Variants in SAXO1 observed in about 807,000 individuals in gnomAD.
SAXO1 encodes 4930500O09Rik.
SAXO1 carries 21 observed loss-of-function variants against 17.5 expected under a neutral mutation model. The observed-to-expected ratio is 1.20, with a 90% confidence interval of 0.85 to 1.72. SAXO1 has a LOEUF of 1.72. Among genes scored for constraint, SAXO1 ranks in the 40% most tolerant of loss-of-function variants. The probability of loss-of-function intolerance (pLI) is 0.00; values close to 1 mark genes in which losing one functional copy is unlikely to be tolerated. For synonymous variants in SAXO1, 274 were observed against 216.5 expected (o/e 1.27, Z -2.33); for missense variants, 843 against 596.0 (o/e 1.41, Z -4.32).
At chr9:18,974,372 T>C (rs1358512459) in intron 1 of SAXO1, among the ~76,000 whole-genome samples, 2 of 152,254 alleles carry the variant, frequency 1.3e-5, no homozygotes, top group Admixed American at 1.3e-4. Flanking sequence ...TATGTGCACA[T>C]TGATATGTAC....
intron 1 of SAXO1, among the ~76,000 whole-genome samples, chr9:18,984,855 G>C (rs905269950): frequency 6.6e-6 from 1 of 152,114 alleles, no homozygotes; most frequent in Non-Finnish European, 1.5e-5. Context: ...TTTGGCATAA[G>C]AGGCCTAGCT....
chr9:18,927,810 G>A lies in SAXO1; in HGVS notation c.*242C>T. On this transcript the variant is annotated 3_prime_UTR_variant, in exon 4 of 4. Coordinates refer to ENST00000380534, the MANE Select transcript of SAXO1 (RefSeq NM_153707.4). ...TTTGATTCCATAAGCACAAAGTAAA[G>A]GACCTGAAACGGGGTGGGGATGCAG... The A allele has an allele frequency of 9.3e-6, 4 of 431,170 alleles. No homozygotes were observed. Among genetic ancestry groups the A allele is most frequent in the Non-Finnish European group, 8.2e-6 (2 of 245,216 alleles). 26.7% of individuals were successfully genotyped at this position (431,170 alleles called of 1,614,324 possible).
At chr9:19,046,189 A>G (rs572144825) in intron 1 of SAXO1, among the ~76,000 whole-genome samples, 1 of 152,114 alleles carries the variant, frequency 6.6e-6, no homozygotes, top group South Asian at 2.1e-4. Flanking sequence ...TAATGTTACT[A>G]TTATCCTCAG....
intron 1 of SAXO1, among the ~76,000 whole-genome samples, chr9:19,042,012 C>T (rs1189710944): frequency 6.6e-6 from 1 of 152,094 alleles, no homozygotes; most frequent in African/African-American, 2.4e-5. Context: ...AGACAACCCA[C>T]CGAATGGGAG....
At chr9:19,045,490 G>C (rs1334279432) in intron 1 of SAXO1, among the ~76,000 whole-genome samples, 1 of 152,170 alleles carries the variant, frequency 6.6e-6, no homozygotes, top group Admixed American at 6.5e-5. Flanking sequence ...AAACACCAGA[G>C]ACACAGAGGA....
chr9:19,021,877 C>T (rs1299167747), intron 1 of SAXO1, among the ~76,000 whole-genome samples: 1 of 151,586 alleles, frequency 6.6e-6, no homozygotes, highest in African/African-American at 2.4e-5. Context: ...GACCAATCAA[C>T]ACTCTGTAAA....
intron 1 of SAXO1, among the ~76,000 whole-genome samples, chr9:18,988,027 C>T (rs1431457615): frequency 6.6e-6 from 1 of 152,182 alleles, no homozygotes; most frequent in Non-Finnish European, 1.5e-5. Flanking sequence ...CAAGGGTAAT[C>T]CCAACTTCTT....
In SAXO1 at chr9:18,965,574, C is replaced by CTTTTT. The variant is rs57731971; in HGVS notation, c.39-14642_39-14638dup. 1.1e-3 allele frequency among the ~76,000 whole-genome samples: 161 copies of CTTTTT among 150,618 alleles called. 1 individual carries two copies. Among genetic ancestry groups the CTTTTT allele is most frequent in the African/African-American group, 3.7e-3 (150 of 40,582 alleles). ...TCAAAGACTAGGATTGCAACCCCTG[C>CTTTTT]TTTTTTTTTCTTTCCATTTGCTTGG... is the stretch of plus-strand genomic sequence containing the variant. On this transcript the variant is annotated intron_variant, in intron 1 of 3. Transcript: ENST00000380534.
intron 1 of SAXO1, among the ~76,000 whole-genome samples, chr9:18,953,425 T>G (rs1321934052): frequency 6.6e-6 from 1 of 152,232 alleles, no homozygotes; most frequent in African/African-American, 2.4e-5. Context: ...AAAGGAGATG[T>G]CAGTACAGCA....
chr9:19,027,989 A>G (rs1029015580), intron 1 of SAXO1: 31 of 1,581,066 alleles, frequency 2.0e-5, no homozygotes, highest in Non-Finnish European at 2.7e-5. Context: ...GATGACTTCA[A>G]CGGGGCCCAG....
intron 3 of SAXO1, among the ~76,000 whole-genome samples, chr9:18,932,769 C>T (rs1012557259): frequency 1.3e-5 from 2 of 152,038 alleles, no homozygotes; most frequent in Non-Finnish European, 2.9e-5. Flanking sequence ...AATTTTATTC[C>T]AAGATTTTAT....
rs577634619 is a variant in SAXO1, at chr9:18,967,597, A to G, written c.39-16660T>C. ...AGTAATAGTGGATGCCCCTCCCCCA[A>G]CCAAGCTCGAGTGTCCCAGGTCAAC... On this transcript the variant is annotated intron_variant, in intron 1 of 3. Coordinates refer to ENST00000380534, the MANE Select transcript of SAXO1 (RefSeq NM_153707.4). 7.2e-5 allele frequency among the ~76,000 whole-genome samples: 11 copies of G among 152,134 alleles called. No homozygotes were observed. In the East Asian group the frequency reaches 1.9e-3, roughly 27 times the overall value.
At position 18,930,340 on chromosome 9, in the gene SAXO1, T is replaced by G. The variant is rs1044133985; in HGVS notation, c.422-1285A>C. Among the ~76,000 whole-genome samples, 6 of 152,172 alleles carry G rather than the reference T, an allele frequency of 3.9e-5. 1 individual carries two copies. In the South Asian group the frequency reaches 1.2e-3, roughly 32 times the overall value. On this transcript the variant is annotated intron_variant, in intron 3 of 3. Coordinates refer to ENST00000380534, the MANE Select transcript of SAXO1 (RefSeq NM_153707.4). The stretch of plus-strand genomic sequence containing the variant: ...AAATCTGCAGTAGAGATGGCCTCCA[T>G]GCATCTTGAGGACCAGATACTGTCT...
chr9:18,967,403 C>T (rs1395687435), intron 1 of SAXO1, among the ~76,000 whole-genome samples: 2 of 152,134 alleles, frequency 1.3e-5, no homozygotes, highest in Admixed American at 1.3e-4. Flanking sequence ...ATCTATAGAC[C>T]CCTGACTGGG....
intron 2 of SAXO1, among the ~76,000 whole-genome samples, chr9:18,946,745 A>G (rs1243189732): frequency 6.6e-6 from 1 of 152,234 alleles, no homozygotes; most frequent in Non-Finnish European, 1.5e-5. Context: ...CATGCTCATT[A>G]AGGAAAGCAA....
chr9:18,951,070 G>A (rs936579269), intron 1 of SAXO1, 133 bp from the exon 2 acceptor site: 15 of 926,766 alleles, frequency 1.6e-5, no homozygotes, highest in Admixed American at 1.1e-4. Flanking sequence ...AGAATTCAAC[G>A]GTTACTTTTT....
intron 1 of SAXO1, among the ~76,000 whole-genome samples, chr9:18,980,835 A>T (rs1483457181): frequency 1.3e-5 from 2 of 151,484 alleles, no homozygotes; most frequent in African/African-American, 4.9e-5. Context: ...GGAAAATAAA[A>T]ACTCATCGAG....
Position 18,927,750 on chromosome 9 carries a change from ATACATCTGGATCAGAGAAAC to A in SAXO1, c.*282_*301del, listed in dbSNP as rs1197958460. ...TTCATACAATGATTAAATTAATAAA[ATACATCTGGATCAGAGAAAC>A]CCTCACAGACCAACTTTGATTCCAT... On this transcript the variant is annotated 3_prime_UTR_variant, in exon 4 of 4. Transcript: ENST00000380534. 6.0e-5 allele frequency: 18 copies of A among 299,244 alleles called. No individual in the cohort carries two copies. Among genetic ancestry groups the A allele is most frequent in the Non-Finnish European group, 1.1e-4 (18 of 162,162 alleles). The allele number at this position is 299,244 out of a possible 1,614,324, so 18.5% of individuals were successfully genotyped here. A position where few individuals can be genotyped will look rare whatever the true frequency, so the allele number is the denominator to read the frequency against.
At chr9:18,969,582 C>A (rs1453217105) in intron 1 of SAXO1, among the ~76,000 whole-genome samples, 1 of 152,158 alleles carries the variant, frequency 6.6e-6, no homozygotes, top group Admixed American at 6.5e-5. Context: ...AGCATTAAGT[C>A]CACAATATTA....
Sources: allele counts gnomAD v4.1 joint callset (sites outside exome capture counted in the v4.1 genomes callset), GRCh38; gene constraint gnomAD v4.1.1; transcripts MANE v1.5; gene names NCBI Gene and HGNC (gene_info 2026-07-23, HGNC 2026-07-21).